MAGI2: variants seen among roughly 807,000 people sequenced by gnomAD.
The protein encoded by MAGI2 is membrane associated guanylate kinase, WW and PDZ domain containing 2, also known as membrane-associated guanylate kinase, WW and PDZ domain-containing protein 2.
A neutral mutation model predicts 133.3 loss-of-function variants in MAGI2; 35 were observed. That is an observed-to-expected ratio of 0.26 (90% CI 0.20 to 0.35). The LOEUF is 0.35. Among genes scored for constraint, MAGI2 ranks in the 10% least tolerant of loss-of-function variants. The pLI is 1.00. For missense variants in MAGI2, 1,636 were observed against 1,863.4 expected (o/e 0.88, Z 2.25); for synonymous variants, 729 against 710.6 (o/e 1.03, Z -0.41).
chr7:79,120,530 T>C (rs1046752611), intron 1 of MAGI2, among the ~76,000 whole-genome samples: 4 of 152,062 alleles, frequency 2.6e-5, no homozygotes, highest in Non-Finnish European at 5.9e-5. Context: ...ACTACAAATA[T>C]GTGGTCTGAT....
At chr7:78,408,178 C>T (rs1797559598) in intron 6 of MAGI2, among the ~76,000 whole-genome samples, 1 of 151,864 alleles carries the variant, frequency 6.6e-6, no homozygotes, top group South Asian at 2.1e-4. Flanking sequence ...ATATATTTAT[C>T]ATGTACAAAT....
At chr7:78,075,844 G>A (rs75070150) in intron 21 of MAGI2, among the ~76,000 whole-genome samples, 5,198 of 152,254 alleles carry the variant, frequency 0.034, 112 homozygotes, top group East Asian at 0.069. Flanking sequence ...CCTCAAAGAT[G>A]CTATGATCCT....
chr7:78,929,760 C>A (rs1481241906), intron 2 of MAGI2, among the ~76,000 whole-genome samples: 4 of 152,038 alleles, frequency 2.6e-5, no homozygotes, highest in Admixed American at 2.6e-4. Flanking sequence ...TTAATCACAT[C>A]TGCAATTCTC....
intron 6 of MAGI2, among the ~76,000 whole-genome samples, chr7:78,405,640 C>A (rs1243731063): frequency 1.3e-5 from 2 of 151,970 alleles, no homozygotes; most frequent in Admixed American, 1.3e-4. Context: ...AACATAAAAC[C>A]TTTTTAGCTT....
intron 6 of MAGI2, among the ~76,000 whole-genome samples, chr7:78,421,001 T>C (rs375306936): frequency 6.6e-6 from 1 of 152,092 alleles, no homozygotes; most frequent in Admixed American, 6.6e-5. Context: ...AGTTGACAAA[T>C]TGGACATAAA....
At chr7:78,636,227 G>A (rs1379656605) in intron 2 of MAGI2, among the ~76,000 whole-genome samples, 5 of 151,938 alleles carry the variant, frequency 3.3e-5, no homozygotes, top group Admixed American at 2.6e-4. Context: ...TTTCTTAACA[G>A]TGTGTTGCTT....
intron 1 of MAGI2, among the ~76,000 whole-genome samples, chr7:79,431,990 A>C (rs942235246): frequency 1.3e-5 from 2 of 152,324 alleles, no homozygotes; most frequent in East Asian, 3.9e-4. Context: ...ATATGATTTT[A>C]AAAATGCTTT....
chr7:78,121,081 A>G (rs1820426198), intron 20 of MAGI2, among the ~76,000 whole-genome samples: 1 of 123,668 alleles, frequency 8.1e-6, no homozygotes, highest in African/African-American at 3.1e-5. Context: ...GTTCTACCTT[A>G]TATCATACAG....
At position 78,343,902 on chromosome 7, in the gene MAGI2, G is replaced by T. The variant is rs749207062; in HGVS notation, c.1284C>A (p.Thr428=). The change falls in exon 9 of 22, where the codon ACC becomes ACA. Residue 428 remains threonine, a synonymous_variant. Coordinates refer to ENST00000354212, the MANE Select transcript of MAGI2 (RefSeq NM_012301.4). ...SQLKGTFLST[T]LKKSNMGFGF... The stretch of plus-strand genomic sequence containing the variant: ...CAAAGCCCATGTTGCTCTTTTTTAG[G>T]GTGGTGCTGAGGAATGTTCCCTTCA... 1 of 1,613,038 alleles carries T rather than the reference G, an allele frequency of 6.2e-7. No homozygotes were observed.
At chr7:78,472,827 G>A (rs1314225996) in intron 6 of MAGI2, among the ~76,000 whole-genome samples, 1 of 152,034 alleles carries the variant, frequency 6.6e-6, no homozygotes, top group Non-Finnish European at 1.5e-5. Flanking sequence ...CTGATGCTTG[G>A]GTATCTTCTA....
chr7:79,109,888 C>A (rs1197942628), intron 1 of MAGI2, among the ~76,000 whole-genome samples: 1 of 151,394 alleles, frequency 6.6e-6, no homozygotes, highest in African/African-American at 2.4e-5. Context: ...TGCCTACTAC[C>A]AGTATGATCA....
At chr7:78,072,155 C>T (rs977763304) in intron 21 of MAGI2, among the ~76,000 whole-genome samples, 2 of 152,160 alleles carry the variant, frequency 1.3e-5, no homozygotes, top group Non-Finnish European at 1.5e-5. Flanking sequence ...GACAAGGTCT[C>T]AGTAGAGATT....
intron 1 of MAGI2, among the ~76,000 whole-genome samples, chr7:79,169,593 G>A (rs1825316248): frequency 6.6e-6 from 1 of 151,982 alleles, no homozygotes; most frequent in South Asian, 2.1e-4. Flanking sequence ...CTTTCAATAT[G>A]TGTGAATGCC....
chr7:78,250,983 T>C (rs996770200), intron 10 of MAGI2, among the ~76,000 whole-genome samples: 1 of 152,062 alleles, frequency 6.6e-6, no homozygotes, highest in African/African-American at 2.4e-5. Flanking sequence ...AAAAAATCTT[T>C]AACAAAATAT....
chr7:79,011,105 G>A (rs996779363), intron 1 of MAGI2: 3 of 152,098 alleles, frequency 2.0e-5, no homozygotes, highest in African/African-American at 7.2e-5. Context: ...TATGGTACTG[G>A]GCTTAGAACA....
At chr7:79,265,328 A>T (rs1215340390) in intron 1 of MAGI2, among the ~76,000 whole-genome samples, 2 of 152,168 alleles carry the variant, frequency 1.3e-5, no homozygotes, top group Non-Finnish European at 2.9e-5. Context: ...TTTGAGGACG[A>T]CTGCTCTGTA....
intron 1 of MAGI2, among the ~76,000 whole-genome samples, chr7:79,223,158 T>C (rs377729145): frequency 2.6e-5 from 4 of 152,056 alleles, no homozygotes; most frequent in African/African-American, 9.7e-5. Context: ...GTGCTGGGAT[T>C]ATAGGCGTGA....
intron 20 of MAGI2, among the ~76,000 whole-genome samples, chr7:78,083,369 GGGGA>G (rs1816205849): frequency 9.1e-6 from 1 of 109,700 alleles, no homozygotes; most frequent in Non-Finnish European, 1.9e-5. Context: ...TGGGGGGGCG[GGGGA>G]GGGAGGGAGG....
chr7:79,099,884 T>C (rs1004004514), intron 1 of MAGI2, among the ~76,000 whole-genome samples: 1 of 152,184 alleles, frequency 6.6e-6, no homozygotes, highest in African/African-American at 2.4e-5. Flanking sequence ...TATGTTCATT[T>C]TGGAGAACTT....
Sources: allele counts gnomAD v4.1 joint callset (sites outside exome capture counted in the v4.1 genomes callset), GRCh38; gene constraint gnomAD v4.1.1; transcripts MANE v1.5; gene names NCBI Gene and HGNC (gene_info 2026-07-23, HGNC 2026-07-21).